Variants in TMEM131L observed in about 807,000 individuals in gnomAD.
The protein encoded by TMEM131L is transmembrane protein 131-like.
A neutral mutation model predicts 192.2 loss-of-function variants in TMEM131L; 54 were observed. The observed-to-expected ratio is 0.28, with a 90% CI of 0.23 to 0.35. The LOEUF (loss-of-function observed/expected upper bound fraction) is 0.35. Among genes scored for constraint, TMEM131L ranks in the 10% least tolerant of loss-of-function variants. TMEM131L has a pLI of 1.00. For missense variants in TMEM131L, 1,888 were observed against 1,972.9 expected (o/e 0.96, Z 0.82); for synonymous variants, 701 against 704.9 (o/e 0.99, Z 0.09).
chr4:153,489,022 C>T (rs1732573738), intron 3 of TMEM131L, among the ~76,000 whole-genome samples: 2 of 152,202 alleles, frequency 1.3e-5, no homozygotes, highest in Admixed American at 1.3e-4. Context: ...GGACTAATTG[C>T]ATCTGCACCA....
chr4:153,477,597 T>C (rs1262583716), intron 3 of TMEM131L, among the ~76,000 whole-genome samples: 1 of 151,648 alleles, frequency 6.6e-6, no homozygotes, highest in African/African-American at 2.4e-5. Context: ...CGATGACTTA[T>C]ATAAAAAAAA....
chr4:153,585,623 A>G lies in TMEM131L; in HGVS notation c.1311+12A>G, dbSNP rs1561215796. ...AGCACATGTTAAAGGTACATATAGT[A>G]TTTTTTCCCCAAGTTTTAGCTTATT... On this transcript the variant is annotated intron_variant, in intron 13 of 34. Transcript: ENST00000409959. 1.3e-6 allele frequency: 2 copies of G among 1,561,570 alleles called. No individual in the cohort carries two copies. Among genetic ancestry groups the G allele is most frequent in the Admixed American group, 1.8e-5 (1 of 55,336 alleles).
At position 153,604,448 on chromosome 4, in the gene TMEM131L, T is replaced by G. The variant is rs764378569; in HGVS notation, c.3418+18T>G. On this transcript the variant is annotated intron_variant, in intron 25 of 34. Coordinates refer to ENST00000409959, the MANE Select transcript of TMEM131L (RefSeq NM_001131007.2). ...AAATAATGGTAATCTTTTCATCCCC[T>G]TTGATAATTCTCTCCTGTTTGTACC... The G allele has an allele frequency of 1.3e-6, 2 of 1,581,576 alleles. No individual in the cohort carries two copies. The highest frequency in any genetic ancestry group is 1.7e-6 in the Non-Finnish European group (2 of 1,166,044).
In TMEM131L at chr4:153,591,058, A is replaced by G. The variant is rs1731031583; in HGVS notation, c.1676A>G (p.Asn559Ser). ...TTTCTTTATCAATTAAACAGGAGGA[A>G]TGTTTTGGGAACAACTCGATTTGCT... The part of the protein sequence containing the change: ...KYKNGDVCKR[N>S]VLGTTRFAHL... Residue 559 changes from asparagine (N) to serine (S), a missense_variant, in exon 17 of 35, where the codon AAT (asparagine) becomes AGT (serine). By Grantham distance (46) the Asn-to-Ser change is conservative (BLOSUM62 1). Transcript: ENST00000409959. 1.9e-6 allele frequency: 3 copies of G among 1,562,812 alleles called. No individual in the cohort carries two copies. The highest frequency in any genetic ancestry group is 2.6e-6 in the Non-Finnish European group (3 of 1,152,854).
chr4:153,574,044 A>G lies in TMEM131L; in HGVS notation c.661-6782A>G, dbSNP rs565990449. ...CAATAACTTGATTTCATAGAAGAGG[A>G]AGCTGAGTCTTAGAGTGGGTGGGGA... On this transcript the variant is annotated intron_variant, in intron 7 of 34. Transcript: ENST00000409959. Among the ~76,000 whole-genome samples, 9 of 152,302 alleles carry G rather than the reference A, an allele frequency of 5.9e-5. No homozygotes were observed. The South Asian group carries it at 1.9e-3, about 32-fold the overall frequency.
chr4:153,521,713 C>T (rs1421317523), intron 3 of TMEM131L, among the ~76,000 whole-genome samples: 3 of 152,116 alleles, frequency 2.0e-5, no homozygotes, highest in South Asian at 2.1e-4. Context: ...CCGTAGCACC[C>T]ACCCTTTTAC....
At chr4:153,598,823 A>T in intron 21 of TMEM131L, 91 bp downstream of exon 21, 1 of 1,061,584 alleles carries the variant, frequency 9.4e-7, no homozygotes. Context: ...TTAAATTCTA[A>T]AATTTTAAAT....
At chr4:153,593,443 C>T (rs1227381486) in intron 18 of TMEM131L, among the ~76,000 whole-genome samples, 2 of 152,122 alleles carry the variant, frequency 1.3e-5, no homozygotes, top group East Asian at 1.9e-4. Context: ...CCCAGTGTTT[C>T]CCGTGGGATA....
At position 153,636,430 on chromosome 4, in the gene TMEM131L, G is replaced by A. The variant is rs950823190; in HGVS notation, c.4687G>A (p.Glu1563Lys). 8 of 1,614,036 alleles carry A rather than the reference G, an allele frequency of 5.0e-6. No homozygotes were observed. Among genetic ancestry groups the A allele is most frequent in the Admixed American group, 3.3e-5 (2 of 59,998 alleles). Residue 1563 changes from glutamate (E) to lysine (K), a missense_variant, in exon 35 of 35, where the codon GAA becomes AAA. Transcript: ENST00000409959. The stretch of plus-strand genomic sequence containing the variant: ...CACCACGGAACATTCGACCCACATG[G>A]AAAACCAAGCGGTCGTGTGCAAGGA... ...NPTTEHSTHMENQAVVCKEYY... is the reference protein window; with the variant it reads ...NPTTEHSTHMKNQAVVCKEYY...
intron 16 of TMEM131L, 131 bp downstream of exon 16, chr4:153,589,138 C>T (rs1730900227): frequency 1.2e-5 from 6 of 482,480 alleles, no homozygotes; most frequent in Admixed American, 3.8e-5. Flanking sequence ...CTGTAGCAGA[C>T]CCTATATACT....
At chr4:153,564,408 CT>C (rs1025732719) in intron 7 of TMEM131L, among the ~76,000 whole-genome samples, 7 of 150,512 alleles carry the variant, frequency 4.7e-5, no homozygotes, top group Non-Finnish European at 1.0e-4. Flanking sequence ...TCACTAGAAT[CT>C]CTTGGTACCT....
Position 153,602,573 on chromosome 4 carries a change from A to T in TMEM131L, c.2485A>T (p.Ile829Phe). 1 of 1,614,136 alleles carries T rather than the reference A, an allele frequency of 6.2e-7. No homozygotes were observed. Among genetic ancestry groups the T allele is most frequent in the Admixed American group, 1.7e-5 (1 of 60,012 alleles). ...TCCAGACTTTACCTCCTCCTGGGTA[A>T]TTCGGGACCTAAGTCTTGTAACCGC... ...FTPDFTSSWV[I>F]RDLSLVTAAD... Residue 829 changes from isoleucine (I) to phenylalanine (F), a missense_variant, in exon 23 of 35, where the codon ATT becomes TTT. By Grantham distance (21) the Ile-to-Phe change is conservative. Transcript: ENST00000409959.
intron 26 of TMEM131L, among the ~76,000 whole-genome samples, chr4:153,617,663 C>T (rs1733084643): frequency 1.3e-5 from 2 of 152,288 alleles, no homozygotes; most frequent in South Asian, 2.1e-4. Flanking sequence ...AAATGTCTAA[C>T]CTAGTTCTGC....
chr4:153,497,963 C>T (rs1733311752), intron 3 of TMEM131L, among the ~76,000 whole-genome samples: 1 of 151,424 alleles, frequency 6.6e-6, no homozygotes, highest in East Asian at 1.9e-4. Flanking sequence ...TACAGACATC[C>T]TTAAGGGTTC....
chr4:153,581,356 A>G (rs772741560), intron 8 of TMEM131L, 51 bp from the exon 9 acceptor site: 5 of 1,444,148 alleles, frequency 3.5e-6, no homozygotes, highest in Non-Finnish European at 4.6e-6. Flanking sequence ...TTGAAACCAC[A>G]AAGTTGAGAT....
At chr4:153,585,252 G>T (rs989096612) in intron 12 of TMEM131L, among the ~76,000 whole-genome samples, 2 of 152,226 alleles carry the variant, frequency 1.3e-5, no homozygotes, top group Admixed American at 6.5e-5. Context: ...TGTGCTGGCC[G>T]CAGCCTGGTT....
chr4:153,594,217 A>ACTT lies in TMEM131L; in HGVS notation c.1995+346_1995+347insCTT, dbSNP rs534304703. Among the ~76,000 whole-genome samples the ACTT allele has an allele frequency of 9.8e-4, 144 of 147,296 alleles. 1 individual carries two copies. The highest frequency in any genetic ancestry group is 6.9e-3 in the Middle Eastern group (2 of 288). Reference sequence around the variant, plus strand: ...CTCAAATTCTTTTTTAGGGCAAGATAAGGAAAAACAAATACATTAAAAAAA... The same window carrying ACTT: ...CTCAAATTCTTTTTTAGGGCAAGATACTTAGGAAAAACAAATACATTAAAAAAA... On this transcript the variant is annotated intron_variant, in intron 19 of 34. Transcript: ENST00000409959.
intron 3 of TMEM131L, among the ~76,000 whole-genome samples, chr4:153,477,664 C>T (rs1221985783): frequency 6.6e-6 from 1 of 152,058 alleles, no homozygotes; most frequent in African/African-American, 2.4e-5. Flanking sequence ...TGAATATATA[C>T]ATGTGTATAA....
At chr4:153,482,014 T>C (rs1731980056) in intron 3 of TMEM131L, among the ~76,000 whole-genome samples, 1 of 152,040 alleles carries the variant, frequency 6.6e-6, no homozygotes, top group Non-Finnish European at 1.5e-5. Flanking sequence ...GCCCAGCTAA[T>C]TTTTGTATTT....
Sources: allele counts gnomAD v4.1 joint callset (sites outside exome capture counted in the v4.1 genomes callset), GRCh38; gene constraint gnomAD v4.1.1; transcripts MANE v1.5; gene names NCBI Gene and HGNC (gene_info 2026-07-23, HGNC 2026-07-21).